SFXN5: variants seen among roughly 807,000 people sequenced by gnomAD.
The protein encoded by SFXN5 is sideroflexin-5.
Under a neutral mutation model 50.2 loss-of-function variants are expected in SFXN5, and 43 were observed. The ratio of observed to expected loss-of-function variants is 0.86; its 90% CI spans 0.67 to 1.11. SFXN5 has a LOEUF of 1.11. Ranked by LOEUF, SFXN5 falls within the 50% of genes least tolerant of loss-of-function variation. The pLI is 0.00. For missense variants in SFXN5, 463 were observed against 454.1 expected (o/e 1.02, Z -0.18); for synonymous variants, 203 against 185.8 (o/e 1.09, Z -0.75).
At chr2:73,039,148 G>T (rs1240193981) in intron 3 of SFXN5, among the ~76,000 whole-genome samples, 2 of 152,104 alleles carry the variant, frequency 1.3e-5, no homozygotes, top group Non-Finnish European at 2.9e-5. Context: ...GGATGGTCTC[G>T]AACTCCTGAC....
At chr2:73,003,511 G>C (rs933067561) in intron 6 of SFXN5, among the ~76,000 whole-genome samples, 2 of 152,184 alleles carry the variant, frequency 1.3e-5, no homozygotes, top group African/African-American at 4.8e-5. Context: ...CTGTGCCTCT[G>C]AATAACTGGT....
At chr2:73,036,336 G>A (rs748515592) in intron 3 of SFXN5, among the ~76,000 whole-genome samples, 11 of 152,200 alleles carry the variant, frequency 7.2e-5, no homozygotes, top group Non-Finnish European at 1.5e-4. Flanking sequence ...GGTGCTGGGG[G>A]AGCCAGGAGG....
At chr2:72,968,893 C>T (rs1223575355) in intron 11 of SFXN5, among the ~76,000 whole-genome samples, 1 of 151,894 alleles carries the variant, frequency 6.6e-6, no homozygotes, top group Non-Finnish European at 1.5e-5. Context: ...ACCTCTGCCT[C>T]CCAGGTTCAA....
chr2:73,043,351 G>A (rs1038310389), intron 2 of SFXN5, among the ~76,000 whole-genome samples: 1 of 152,232 alleles, frequency 6.6e-6, no homozygotes, highest in Non-Finnish European at 1.5e-5. Flanking sequence ...TTTCTGAGCT[G>A]GCTGCCAGAG....
chr2:72,955,238 C>T (rs1028182375), intron 13 of SFXN5, among the ~76,000 whole-genome samples: 1 of 151,742 alleles, frequency 6.6e-6, no homozygotes, highest in Non-Finnish European at 1.5e-5. Context: ...TGTTAAACTG[C>T]TCCTAATTAG....
chr2:72,965,607 C>T (rs560743846), intron 12 of SFXN5, among the ~76,000 whole-genome samples: 1 of 152,272 alleles, frequency 6.6e-6, no homozygotes, highest in Non-Finnish European at 1.5e-5. Context: ...GCCCCACAGC[C>T]TGCCCATCTG....
At chr2:73,006,655 C>T (rs963820691) in intron 6 of SFXN5, among the ~76,000 whole-genome samples, 6 of 152,206 alleles carry the variant, frequency 3.9e-5, no homozygotes, top group Non-Finnish European at 8.8e-5. Context: ...CTCACGTATG[C>T]CACTGAAGTG....
intron 6 of SFXN5, among the ~76,000 whole-genome samples, chr2:73,018,612 T>C (rs1170713478): frequency 6.6e-6 from 1 of 152,252 alleles, no homozygotes; most frequent in African/African-American, 2.4e-5. Flanking sequence ...TTTGAGACTA[T>C]GCAAATATTC....
chr2:72,990,844 C>T (rs899435234), intron 9 of SFXN5, among the ~76,000 whole-genome samples: 10 of 152,334 alleles, frequency 6.6e-5, no homozygotes, highest in African/African-American at 2.4e-4. Flanking sequence ...GGCACATCTG[C>T]ATAGCAAGCA....
At chr2:73,015,354 A>G (rs572154729) in intron 6 of SFXN5, among the ~76,000 whole-genome samples, 1 of 152,150 alleles carries the variant, frequency 6.6e-6, no homozygotes, top group East Asian at 1.9e-4. Flanking sequence ...CTATTATTTT[A>G]TTTCATAATT....
chr2:73,051,256 A>ATTTTTT (rs1160914961), intron 2 of SFXN5, among the ~76,000 whole-genome samples: 4 of 58,950 alleles, frequency 6.8e-5, no homozygotes, highest in Non-Finnish European at 8.4e-5. Flanking sequence ...TTTTTCCAGC[A>ATTTTTT]CTTTTTTTTT....
rs147022117 is a variant in SFXN5 at position 73,007,448 on chromosome 2, G to A, written c.358-5870C>T. 2.9e-3 allele frequency among the ~76,000 whole-genome samples: 435 copies of A among 151,980 alleles called. 1 individual carries two copies. Among genetic ancestry groups the A allele is most frequent in the African/African-American group, 9.9e-3 (410 of 41,452 alleles). On this transcript the variant is annotated intron_variant, in intron 6 of 13. Coordinates refer to ENST00000272433, the MANE Select transcript of SFXN5 (RefSeq NM_144579.3). ...TCATCCTTCAGGTTTCAGTTTAGGC[G>A]TCACTTCCTCCAGGATGTCTCCTCT... is the stretch of plus-strand genomic sequence containing the variant.
intron 2 of SFXN5, among the ~76,000 whole-genome samples, chr2:73,050,556 G>A (rs1418989048): frequency 1.3e-5 from 2 of 152,130 alleles, no homozygotes; most frequent in Non-Finnish European, 2.9e-5. Flanking sequence ...GAATACAGTG[G>A]GCAGAGACAA....
chr2:72,962,812 C>T (rs1356218498), intron 12 of SFXN5, among the ~76,000 whole-genome samples: 1 of 152,198 alleles, frequency 6.6e-6, no homozygotes, highest in Non-Finnish European at 1.5e-5. Context: ...CCCACAGGCC[C>T]AGACCGCAAG....
chr2:72,994,197 C>T (rs1672941120), intron 9 of SFXN5, among the ~76,000 whole-genome samples: 4 of 152,146 alleles, frequency 2.6e-5, no homozygotes, highest in African/African-American at 9.7e-5. Context: ...TCAGTATCCT[C>T]GTCTGTAAAA....
chr2:72,971,110 C>T (rs764995423), intron 11 of SFXN5, among the ~76,000 whole-genome samples: 6 of 152,204 alleles, frequency 3.9e-5, no homozygotes, highest in African/African-American at 9.6e-5. Flanking sequence ...CTTGACCTCA[C>T]GGCACTCACT....
intron 10 of SFXN5, among the ~76,000 whole-genome samples, chr2:72,978,809 A>T (rs1670947623): frequency 6.6e-6 from 1 of 151,948 alleles, no homozygotes; most frequent in Non-Finnish European, 1.5e-5. Context: ...GGTAGGGCCC[A>T]GATCTGTTTT....
chr2:73,040,229 T>G (rs774869060), intron 3 of SFXN5, among the ~76,000 whole-genome samples: 1 of 152,204 alleles, frequency 6.6e-6, no homozygotes, highest in Non-Finnish European at 1.5e-5. Flanking sequence ...AAAGACAGAC[T>G]TTGGCACATG....
intron 11 of SFXN5, among the ~76,000 whole-genome samples, chr2:72,970,589 GCA>G (rs1573992324): frequency 6.6e-6 from 1 of 151,822 alleles, no homozygotes; most frequent in Non-Finnish European, 1.5e-5. Flanking sequence ...CCCATGCCCA[GCA>G]CAGAGGCCAG....
Sources: gnomAD v4.1 joint callset for allele counts (sites outside exome capture counted in the v4.1 genomes callset) on GRCh38, gnomAD v4.1.1 for gene constraint, MANE v1.5 for transcripts, NCBI Gene and HGNC (gene_info 2026-07-23, HGNC 2026-07-21) for gene names.